Variants in PCDH15 observed in about 807,000 individuals in gnomAD.
The protein encoded by PCDH15 is protocadherin-15.
Under a neutral mutation model 178.5 loss-of-function variants are expected in PCDH15, and 129 were observed. That is an observed-to-expected ratio of 0.72 (90% CI 0.63 to 0.84). The LOEUF is 0.84. Ranked by LOEUF, PCDH15 falls within the 40% of genes least tolerant of loss-of-function variation. PCDH15 has a pLI of 0.00. For synonymous variants in PCDH15, 800 were observed against 732.0 expected (o/e 1.09, Z -1.50); for missense variants, 2,230 against 2,099.9 (o/e 1.06, Z -1.21).
At position 55,496,310 on chromosome 10, in the gene PCDH15, G is replaced by A. The variant is rs149379198; in HGVS notation, c.-156+131315C>T. Among the ~76,000 whole-genome samples, 18 of 151,852 alleles carry A rather than the reference G, an allele frequency of 1.2e-4. No homozygotes were observed. In the East Asian group the frequency reaches 3.1e-3, roughly 26 times the overall value. The stretch of plus-strand genomic sequence containing the variant: ...TAAGCACAAATGCGTGTGCGTGCGC[G>A]TGCACACACACAGACATAGACACAG... On this transcript the variant is annotated intron_variant, in intron 2 of 5. Transcript: ENST00000613346.
At chr10:53,911,889 C>T (rs1321375566) in intron 25 of PCDH15, among the ~76,000 whole-genome samples, 1 of 152,182 alleles carries the variant, frequency 6.6e-6, no homozygotes, top group Non-Finnish European at 1.5e-5. Context: ...TGGTACCATT[C>T]CTTCTGAAAA....
At chr10:53,828,993 G>A (rs2076868569) in intron 30 of PCDH15, among the ~76,000 whole-genome samples, 1 of 152,128 alleles carries the variant, frequency 6.6e-6, no homozygotes, top group African/African-American at 2.4e-5. Flanking sequence ...GCTTCACTTT[G>A]AAGCTGAAGC....
At chr10:54,833,920 C>A (rs1452444193) in intron 3 of PCDH15, among the ~76,000 whole-genome samples, 4 of 151,894 alleles carry the variant, frequency 2.6e-5, no homozygotes, top group Admixed American at 2.0e-4. Context: ...GGGAATTGAC[C>A]AATTATGAAT....
chr10:55,350,685 G>A (rs908369886), intron 2 of PCDH15, among the ~76,000 whole-genome samples: 2 of 151,858 alleles, frequency 1.3e-5, no homozygotes, highest in African/African-American at 4.8e-5. Context: ...TCAAATCAAA[G>A]GATTTTCACT....
chr10:55,374,996 A>G (rs1845586302), intron 2 of PCDH15, among the ~76,000 whole-genome samples: 1 of 152,128 alleles, frequency 6.6e-6, no homozygotes, highest in African/African-American at 2.4e-5. Context: ...CACTTCAGTT[A>G]CCAAGTAACT....
intron 13 of PCDH15, among the ~76,000 whole-genome samples, chr10:54,167,100 A>G (rs551072047): frequency 7.9e-5 from 12 of 152,248 alleles, no homozygotes; most frequent in Admixed American, 2.6e-4. Flanking sequence ...AGCCTGTTTG[A>G]TGGTCTCTTC....
intron 2 of PCDH15, among the ~76,000 whole-genome samples, chr10:55,592,079 C>T (rs1842852124): frequency 6.6e-6 from 1 of 151,942 alleles, no homozygotes; most frequent in South Asian, 2.1e-4. Flanking sequence ...AAAATGAATT[C>T]CCTTGTCTAG....
At chr10:53,941,345 C>G (rs566563344) in intron 23 of PCDH15, among the ~76,000 whole-genome samples, 1 of 152,138 alleles carries the variant, frequency 6.6e-6, no homozygotes, top group East Asian at 1.9e-4. Flanking sequence ...CTCAACTCAA[C>G]CTCTGGCAAC....
Position 54,246,058 on chromosome 10 carries a change from C to T in PCDH15, c.877-9127G>A, listed in dbSNP as rs552110166. Among the ~76,000 whole-genome samples the T allele has an allele frequency of 2.3e-3, 354 of 151,964 alleles. 3 individuals carry two copies. The highest frequency in any genetic ancestry group is 8.3e-3 in the African/African-American group (344 of 41,518). On this transcript the variant is annotated intron_variant, in intron 8 of 37. Coordinates refer to ENST00000644397, the MANE Select transcript of PCDH15 (RefSeq NM_001384140.1). ...ATATGTAGCTTAAACTTCAGGATTG[C>T]ACTTTGAGCTTCATCTTACATAAAT...
rs57597678 is a variant in PCDH15 at position 54,204,251 on chromosome 10, T to C, written c.1099-8362A>G. ...GTGGAAAGTATATGGTTGTGGAACATATACATCCTGAGTTGGTTACAGTAC... is the reference window on the plus strand; with the variant it reads ...GTGGAAAGTATATGGTTGTGGAACACATACATCCTGAGTTGGTTACAGTAC... On this transcript the variant is annotated intron_variant, in intron 10 of 37. Coordinates refer to ENST00000644397, the MANE Select transcript of PCDH15 (RefSeq NM_001384140.1). Among the ~76,000 whole-genome samples the C allele has an allele frequency of 5.9e-3, 900 of 152,046 alleles. 6 individuals are homozygous for C. The highest frequency in any genetic ancestry group is 0.021 in the African/African-American group (872 of 41,468).
intron 2 of PCDH15, among the ~76,000 whole-genome samples, chr10:55,020,199 A>G (rs904195545): frequency 1.3e-5 from 2 of 150,884 alleles, no homozygotes; most frequent in Non-Finnish European, 3.0e-5. Context: ...GCTTGGATTC[A>G]GGCACTTTTA....
At chr10:54,329,775 G>C (rs1051749012) in intron 6 of PCDH15, 69 bp from the exon 7 acceptor site, 1 of 1,046,550 alleles carries the variant, frequency 9.6e-7, no homozygotes, top group African/African-American at 1.6e-5. Context: ...CAATATTTTG[G>C]ATTAATCCTC....
chr10:55,616,066 G>C (rs1226323158), intron 2 of PCDH15, among the ~76,000 whole-genome samples: 7 of 152,046 alleles, frequency 4.6e-5, no homozygotes, highest in Non-Finnish European at 1.0e-4. Flanking sequence ...TATCTAAGTG[G>C]GACAACAGTT....
chr10:54,423,210 TC>T (rs923032215), intron 3 of PCDH15, among the ~76,000 whole-genome samples: 3 of 151,866 alleles, frequency 2.0e-5, no homozygotes, highest in African/African-American at 7.3e-5. Context: ...AACCAGATGC[TC>T]CCCCTGCCAG....
intron 20 of PCDH15, among the ~76,000 whole-genome samples, chr10:54,019,014 G>A (rs1448483091): frequency 1.3e-5 from 2 of 151,886 alleles, no homozygotes; most frequent in East Asian, 3.9e-4. Flanking sequence ...ATACTCTATA[G>A]GCTTCTTTGC....
chr10:54,339,931 G>T (rs12260370), intron 6 of PCDH15, among the ~76,000 whole-genome samples: 1,676 of 152,128 alleles, frequency 0.011, 29 homozygotes, highest in African/African-American at 0.034. Context: ...CTGCTCCTTG[G>T]TTATAAAGTC....
chr10:55,162,671 T>C (rs1839095717), intron 2 of PCDH15, among the ~76,000 whole-genome samples: 1 of 152,190 alleles, frequency 6.6e-6, no homozygotes, highest in Admixed American at 6.6e-5. Flanking sequence ...GTTAGGAGGC[T>C]GAGAAGCGCC....
chr10:53,878,217 T>A (rs1219102623), intron 26 of PCDH15, among the ~76,000 whole-genome samples: 3 of 13,686 alleles, frequency 2.2e-4, no homozygotes, highest in Non-Finnish European at 5.3e-4. Context: ...ACACTTTGAA[T>A]ATATATATAT....
intron 2 of PCDH15, among the ~76,000 whole-genome samples, chr10:55,601,657 TAGAA>T (rs1480764360): frequency 6.6e-6 from 1 of 151,936 alleles, no homozygotes; most frequent in African/African-American, 2.4e-5. Context: ...AGTAAAAAAA[TAGAA>T]AGCTGTTAAA....
Sources: allele counts gnomAD v4.1 joint callset (sites outside exome capture counted in the v4.1 genomes callset), GRCh38; gene constraint gnomAD v4.1.1; transcripts MANE v1.5; gene names NCBI Gene and HGNC (gene_info 2026-07-23, HGNC 2026-07-21).